MAP2K4: variants seen among roughly 807,000 people sequenced by gnomAD.
MAP2K4 encodes mitogen-activated protein kinase kinase 4, also known as dual specificity mitogen-activated protein kinase kinase 4.
In MAP2K4, 4 loss-of-function variants were observed where a neutral mutation model predicts 48.5. The ratio of observed to expected loss-of-function variants is 0.08; its 90% CI spans 0.04 to 0.19. The LOEUF is 0.19. MAP2K4 is among the 10% of genes least tolerant of loss of function. MAP2K4 has a pLI of 1.00. For missense variants in MAP2K4, 258 were observed against 493.3 expected (o/e 0.52, Z 4.52); for synonymous variants, 166 against 173.1 (o/e 0.96, Z 0.32).
intron 3 of MAP2K4, among the ~76,000 whole-genome samples, chr17:12,085,850 T>C (rs929441): frequency 0.17 from 25,602 of 150,958 alleles, 2,528 homozygotes; most frequent in South Asian, 0.31. Context: ...GATAGTATGG[T>C]GAGTATGGGA....
At chr17:12,098,711 C>T (rs1399903862) in intron 4 of MAP2K4, among the ~76,000 whole-genome samples, 1 of 151,744 alleles carries the variant, frequency 6.6e-6, no homozygotes, top group African/African-American at 2.4e-5. Context: ...TTTAGCTTAC[C>T]TTACTATCAC....
chr17:12,039,339 C>T (rs1324016903), intron 1 of MAP2K4, among the ~76,000 whole-genome samples: 3 of 152,116 alleles, frequency 2.0e-5, no homozygotes, highest in Admixed American at 6.5e-5. Flanking sequence ...CATCCCCACC[C>T]CACTTTCTTT....
intron 1 of MAP2K4, among the ~76,000 whole-genome samples, chr17:12,023,083 C>T (rs1051807907): frequency 3.9e-5 from 6 of 152,254 alleles, no homozygotes; most frequent in African/African-American, 1.4e-4. Context: ...GGACCTAAGA[C>T]CTCTCTATGA....
chr17:12,121,442 A>T (rs1178707878), intron 7 of MAP2K4, among the ~76,000 whole-genome samples: 3 of 152,096 alleles, frequency 2.0e-5, no homozygotes, highest in Admixed American at 6.5e-5. Flanking sequence ...ATCCAGGGTC[A>T]CATTAAGATT....
At chr17:12,137,867 A>G (rs990931539) in intron 9 of MAP2K4, among the ~76,000 whole-genome samples, 1 of 150,158 alleles carries the variant, frequency 6.7e-6, no homozygotes, top group Non-Finnish European at 1.5e-5. Flanking sequence ...CAGTGCATAA[A>G]TGATAAACAA....
rs550228051 is a variant in MAP2K4 at position 12,097,076 on chromosome 17, T to C, written c.513+1382T>C. ...GACTGTATCTTGGACCTAAATATTA[T>C]GTAATGTTATTCTAAATGTTTGGAA... On this transcript the variant is annotated intron_variant, in intron 4 of 10. Transcript: ENST00000353533. Among the ~76,000 whole-genome samples the C allele has an allele frequency of 2.5e-4, 38 of 152,348 alleles. 1 individual carries two copies. The highest frequency in any genetic ancestry group is 7.5e-4 in the African/African-American group (31 of 41,588).
chr17:12,027,112 C>G (rs961783235), intron 1 of MAP2K4: 2 of 152,150 alleles, frequency 1.3e-5, no homozygotes, highest in Non-Finnish European at 2.9e-5. Context: ...TAGCTGTTTC[C>G]TCCCAACTCT....
At chr17:12,090,279 C>T (rs1043130608) in intron 3 of MAP2K4, among the ~76,000 whole-genome samples, 1 of 152,130 alleles carries the variant, frequency 6.6e-6, no homozygotes, top group Non-Finnish European at 1.5e-5. Context: ...CACATCAGGA[C>T]ACCGGCAGTC....
intron 9 of MAP2K4, among the ~76,000 whole-genome samples, chr17:12,131,259 G>A (rs916346523): frequency 1.0e-5 from 1 of 96,440 alleles, no homozygotes. Context: ...TTTCTTTCTT[G>A]TTTTTTTGGA....
At chr17:12,075,080 A>C (rs1163239562) in intron 2 of MAP2K4, among the ~76,000 whole-genome samples, 4 of 152,234 alleles carry the variant, frequency 2.6e-5, no homozygotes, top group Non-Finnish European at 5.9e-5. Context: ...AATATCTTGA[A>C]GACTTTGAGA....
At chr17:12,044,663 A>G (rs932190660) in intron 1 of MAP2K4, among the ~76,000 whole-genome samples, 4 of 152,224 alleles carry the variant, frequency 2.6e-5, no homozygotes, top group Non-Finnish European at 5.9e-5. Flanking sequence ...TCTGCAGCAC[A>G]TACCAGCTGG....
At chr17:12,129,686 C>T (rs968810961) in intron 9 of MAP2K4, among the ~76,000 whole-genome samples, 1 of 152,202 alleles carries the variant, frequency 6.6e-6, no homozygotes, top group African/African-American at 2.4e-5. Context: ...ATCAGACTTT[C>T]AGGGTTGGAT....
intron 1 of MAP2K4, among the ~76,000 whole-genome samples, chr17:12,035,790 A>C (rs773627955): frequency 7.9e-5 from 12 of 152,250 alleles, no homozygotes; most frequent in Non-Finnish European, 1.3e-4. Context: ...GCTGCTTCAA[A>C]TGCTCAAATC....
intron 2 of MAP2K4, chr17:12,069,701 A>T (rs1239789474): frequency 2.0e-6 from 2 of 1,021,462 alleles, no homozygotes; most frequent in Non-Finnish European, 2.4e-6. Context: ...GCCAGGAAGC[A>T]GGCAGTTTCC....
At chr17:12,124,413 T>C (rs1972786096) in intron 7 of MAP2K4, 1 of 152,232 alleles carries the variant, frequency 6.6e-6, no homozygotes, top group South Asian at 2.1e-4. Flanking sequence ...ATTACTGTCT[T>C]GGCAGTGCTT....
chr17:12,028,057 CTT>C (rs911014339), intron 1 of MAP2K4, among the ~76,000 whole-genome samples: 5 of 152,094 alleles, frequency 3.3e-5, no homozygotes, highest in Admixed American at 6.6e-5. Flanking sequence ...TCACAAAGCT[CTT>C]TTGGGTATTA....
chr17:12,104,811 ATTTT>A (rs972987303), intron 4 of MAP2K4, among the ~76,000 whole-genome samples: 1 of 151,956 alleles, frequency 6.6e-6, no homozygotes, highest in Admixed American at 6.6e-5. Flanking sequence ...CTTGGGAAAA[ATTTT>A]TTTCCTATAT....
chr17:12,021,844 T>C (rs1390319203), intron 1 of MAP2K4, among the ~76,000 whole-genome samples: 1 of 152,196 alleles, frequency 6.6e-6, no homozygotes, highest in Non-Finnish European at 1.5e-5. Context: ...GAGGCAGCTC[T>C]GCTAATTAAT....
chr17:12,028,918 A>C (rs1969343646), intron 1 of MAP2K4, among the ~76,000 whole-genome samples: 1 of 152,222 alleles, frequency 6.6e-6, no homozygotes, highest in Admixed American at 6.5e-5. Context: ...CAAACCCTTA[A>C]GATAATATTC....
Sources: gnomAD v4.1 joint callset for allele counts (sites outside exome capture counted in the v4.1 genomes callset) on GRCh38, gnomAD v4.1.1 for gene constraint, MANE v1.5 for transcripts, NCBI Gene and HGNC (gene_info 2026-07-23, HGNC 2026-07-21) for gene names.